Variants in ESPNL observed in about 807,000 individuals in gnomAD.
The protein encoded by ESPNL is espin-like protein.
In ESPNL, 49 loss-of-function variants were observed where a neutral mutation model predicts 46.8. The ratio of observed to expected loss-of-function variants is 1.05; its 90% CI spans 0.83 to 1.33. The LOEUF (loss-of-function observed/expected upper bound fraction) is 1.33, where lower values mean the gene tolerates loss of function less well. ESPNL is among the 40% of genes most tolerant of loss of function. The pLI, the probability that ESPNL is intolerant of heterozygous loss-of-function variation, is 0.00. For missense variants in ESPNL, 1,540 were observed against 1,436.6 expected, an observed-to-expected ratio of 1.07 and a Z score of -1.16; for synonymous variants, 664 against 662.1, an observed-to-expected ratio of 1.00 and a Z score of -0.04.
intron 3 of ESPNL, among the ~76,000 whole-genome samples, chr2:238,107,018 G>T (rs1462337471): frequency 6.6e-6 from 1 of 152,242 alleles, no homozygotes; most frequent in Non-Finnish European, 1.5e-5. Context: ...CCTCCCCAGT[G>T]GGGAAAGCGG....
At position 238,104,691 on chromosome 2, in the gene ESPNL, C is replaced by G; in HGVS notation, c.521C>G (p.Pro174Arg). Residue 174 changes from proline to arginine, a missense_variant, in exon 3 of 9, where the codon CCA becomes CGA. By Grantham distance (103) the Pro-to-Arg change is moderately radical. Transcript: ENST00000343063. ...VNRRTRSGASPLYLACQEGHL... is the reference protein window; with the variant it reads ...VNRRTRSGASRLYLACQEGHL... ...CGGCGGACACGCAGTGGCGCCTCCC[C>G]ACTCTACCTGGCCTGCCAGGAGGGC... The G allele has an allele frequency of 6.2e-7, 1 of 1,604,668 alleles. No homozygotes were observed. The highest frequency in any genetic ancestry group is 8.5e-7 in the Non-Finnish European group (1 of 1,176,372).
In ESPNL at chr2:238,104,811, C is replaced by CTA; in HGVS notation, c.641_642insTA (p.Arg215ThrfsTer42). On this transcript the variant is annotated frameshift_variant, in exon 3 of 9. Coordinates refer to ENST00000343063, the MANE Select transcript of ESPNL (RefSeq NM_194312.4). LOFTEE classifies it high-confidence loss of function. ...ATGAGCGCCCTGCACGCTGCCGCCG[C>CTA]CCGTGGCCACTACTCCCTCGTCGTC... 1 of 1,552,108 alleles carries CTA rather than the reference C, an allele frequency of 6.4e-7. No homozygotes were observed. Among genetic ancestry groups the CTA allele is most frequent in the Non-Finnish European group, 8.7e-7 (1 of 1,150,702 alleles).
chr2:238,126,937 G>GTCTGTGTGTGTCTGTGAT (rs1553574046), intron 6 of ESPNL, among the ~76,000 whole-genome samples: 5 of 44,276 alleles, frequency 1.1e-4, no homozygotes, highest in East Asian at 6.2e-4. Flanking sequence ...GTCTGTGATT[G>GTCTGTGTGTGTCTGTGAT]TGTGTGTCAC....
intron 5 of ESPNL, among the ~76,000 whole-genome samples, chr2:238,118,621 G>GA (rs751373761): frequency 2.1e-5 from 3 of 139,916 alleles, no homozygotes; most frequent in Non-Finnish European, 3.1e-5. Context: ...GATGGAGGAG[G>GA]GTGGATGGAG....
intron 4 of ESPNL, among the ~76,000 whole-genome samples, chr2:238,111,854 C>A (rs1691723881): frequency 6.6e-6 from 1 of 152,200 alleles, no homozygotes. Context: ...ACCAACCTTT[C>A]ATTCCTGGAA....
At position 238,100,502 on chromosome 2, in the gene ESPNL, G is replaced by A. The variant is rs200653635; in HGVS notation, c.83G>A (p.Gly28Asp). 2.8e-5 allele frequency: 45 copies of A among 1,598,078 alleles called. No homozygotes were observed. The highest frequency in any genetic ancestry group is 4.0e-5 in the African/African-American group (3 of 74,870). ...LERLLEAGAL[G>D]PGITDALGAG... Reference sequence around the variant, plus strand: ...CGGCTGCTGGAGGCTGGCGCCCTGGGCCCGGGCATCACCGATGCTCTGGGG... The same window carrying A: ...CGGCTGCTGGAGGCTGGCGCCCTGGACCCGGGCATCACCGATGCTCTGGGG... The change falls in exon 1 of 9, where the codon GGC (glycine) becomes GAC (aspartate). Residue 28 changes from glycine (G) to aspartate (D), a missense_variant. Transcript: ENST00000343063.
chr2:238,114,987 C>A lies in ESPNL; in HGVS notation c.856-1916C>A, dbSNP rs879728582. Among the ~76,000 whole-genome samples, 5 of 152,208 alleles carry A rather than the reference C, an allele frequency of 3.3e-5. No homozygotes were observed. The highest frequency in any genetic ancestry group is 5.9e-5 in the Non-Finnish European group (4 of 68,038). On this transcript the variant is annotated intron_variant, in intron 4 of 8. Coordinates refer to ENST00000343063, the MANE Select transcript of ESPNL (RefSeq NM_194312.4). The surrounding 1 kb of genome is among the most constrained non-coding windows in gnomAD (Gnocchi z 5.0). The stretch of plus-strand genomic sequence containing the variant: ...GACACCCCAGTCTGCAGCTTAGAGG[C>A]GCAGGGTCATCATCCTCAGGCAGTG...
intron 5 of ESPNL, among the ~76,000 whole-genome samples, chr2:238,122,680 ACAG>A (rs2106474881): frequency 6.6e-6 from 1 of 152,324 alleles, no homozygotes; most frequent in African/African-American, 2.4e-5. Flanking sequence ...CTCTCCACTG[ACAG>A]CAGGTTCCAT....
chr2:238,118,107 GTT>G (rs1280904389), intron 5 of ESPNL, among the ~76,000 whole-genome samples: 3 of 149,696 alleles, frequency 2.0e-5, no homozygotes, highest in African/African-American at 2.5e-5. Context: ...GGATGGAGGA[GTT>G]GGATGGAGGA....
intron 5 of ESPNL, among the ~76,000 whole-genome samples, chr2:238,120,514 T>C (rs1691962341): frequency 6.6e-6 from 1 of 152,262 alleles, no homozygotes; most frequent in African/African-American, 2.4e-5. Context: ...CCCGTGGTAG[T>C]GGAGGACGGG....
chr2:238,127,697 C>T lies in ESPNL; in HGVS notation c.1178C>T (p.Pro393Leu). ...LPREQMTSPA[P>L]PRIITSATAD... The stretch of plus-strand genomic sequence containing the variant: ...AGGGAGCAGATGACCAGCCCGGCCC[C>T]TCCGAGGATCATCACCAGTGCCACG... Residue 393 changes from proline (P) to leucine (L), a missense_variant, in exon 7 of 9, where the codon CCT becomes CTT. Transcript: ENST00000343063. 3 of 1,612,554 alleles carry T rather than the reference C, an allele frequency of 1.9e-6. No homozygotes were observed. Among genetic ancestry groups the T allele is most frequent in the Non-Finnish European group, 2.5e-6 (3 of 1,179,506 alleles).
Position 238,131,034 on chromosome 2 carries a change from C to T in ESPNL, c.2320C>T (p.Arg774Trp), listed in dbSNP as rs865881007. The change falls in exon 9 of 9, where the codon CGG becomes TGG. Residue 774 changes from arginine (R) to tryptophan (W), a missense_variant. By Grantham distance (101) the Arg-to-Trp change is moderately radical. Coordinates refer to ENST00000343063, the MANE Select transcript of ESPNL (RefSeq NM_194312.4). Reference sequence around the variant, plus strand: ...CCTAGGAGCCCGCCACGCGGGGTTGCGGGGCCAGGAGGCCGCCAGGAGCCC... The same window carrying T: ...CCTAGGAGCCCGCCACGCGGGGTTGTGGGGCCAGGAGGCCGCCAGGAGCCC... ...RTLGARHAGL[R>W]GQEAARSPGP... is the part of the protein sequence containing the mutation. The T allele has an allele frequency of 5.2e-6, 8 of 1,538,768 alleles. No homozygotes were observed. In the East Asian group the frequency reaches 9.8e-5, roughly 19 times the overall value.
At chr2:238,119,356 GTGGATGAAGGAC>G (rs1691923260) in intron 5 of ESPNL, among the ~76,000 whole-genome samples, 1 of 148,654 alleles carries the variant, frequency 6.7e-6, no homozygotes, top group Non-Finnish European at 1.5e-5. Flanking sequence ...AATGGAGGAG[GTGGATGAAGGAC>G]GTGGATGAAG....
intron 5 of ESPNL, 125 bp downstream of exon 5, chr2:238,117,159 G>T: frequency 7.6e-7 from 1 of 1,317,356 alleles, no homozygotes; most frequent in Non-Finnish European, 1.0e-6. Context: ...CTCATACATG[G>T]CATTGGAGCC....
At chr2:238,122,458 G>C (rs1692009125) in intron 5 of ESPNL, among the ~76,000 whole-genome samples, 1 of 152,214 alleles carries the variant, frequency 6.6e-6, no homozygotes, top group Admixed American at 6.5e-5. Context: ...GGAGGCTCAG[G>C]GGGTGGCGTC....
intron 3 of ESPNL, 34 bp downstream of exon 3, chr2:238,104,876 C>T: frequency 7.0e-7 from 1 of 1,432,338 alleles, no homozygotes; most frequent in Non-Finnish European, 9.2e-7. Context: ...AGGGGACATC[C>T]AGGGAGTGTG....
chr2:238,130,618 G>A lies in ESPNL; in HGVS notation c.1904G>A (p.Ser635Asn), dbSNP rs747056997. 2 of 1,563,336 alleles carry A rather than the reference G, an allele frequency of 1.3e-6. No individual in the cohort carries two copies. The highest frequency in any genetic ancestry group is 2.3e-5 in the South Asian group (2 of 85,332). Residue 635 changes from serine (S) to asparagine (N), a missense_variant, in exon 9 of 9, where the codon AGC becomes AAC. Physicochemically the swap from Ser to Asn is conservative, Grantham distance 46 (BLOSUM62 1). Coordinates refer to ENST00000343063, the MANE Select transcript of ESPNL (RefSeq NM_194312.4). ...GACACCTGCAGGGAGGCCTCGGCCA[G>A]CCCCCCTCGGAGCGAGGCCCAGCGC... ...LQDTCREASASPPRSEAQRQI... is the reference protein window; with the variant it reads ...LQDTCREASANPPRSEAQRQI...
chr2:238,101,547 T>C lies in ESPNL; in HGVS notation c.295-394T>C, dbSNP rs1426852218. Among the ~76,000 whole-genome samples the C allele has an allele frequency of 3.3e-5, 5 of 152,170 alleles. No individual in the cohort carries two copies. In the South Asian group the frequency reaches 8.3e-4, roughly 25 times the overall value. The stretch of plus-strand genomic sequence containing the variant: ...AACGCTCCCTGGCCCCGGGACCCTG[T>C]GGCCAGCGGGAGGGCACTGGGGCAG... On this transcript the variant is annotated intron_variant, in intron 1 of 8. Transcript: ENST00000343063.
At chr2:238,127,569 T>A (rs573210959) in intron 6 of ESPNL, 53 bp from the exon 7 acceptor site, 2 of 1,521,532 alleles carry the variant, frequency 1.3e-6, no homozygotes, top group Admixed American at 2.0e-5. Context: ...AGGCTCTGGG[T>A]CTCTGCTCCC....
Sources: gnomAD v4.1 joint callset for allele counts (sites outside exome capture counted in the v4.1 genomes callset) on GRCh38, gnomAD v4.1.1 for gene constraint, Gnocchi (gnomAD v3.1) non-coding constraint, MANE v1.5 for transcripts, NCBI Gene and HGNC (gene_info 2026-07-23, HGNC 2026-07-21) for gene names.